The following SORCS3 variants were observed in gnomAD, a reference collection of about 807,000 sequenced individuals.
The protein encoded by SORCS3 is VPS10 domain-containing receptor SorCS3.
In SORCS3, 57 loss-of-function variants were observed where a neutral mutation model predicts 146.3. The observed-to-expected ratio is 0.39, with a 90% CI of 0.31 to 0.49. The LOEUF is 0.49. SORCS3 is among the 20% of genes least tolerant of loss of function. The pLI is 0.92. For missense variants in SORCS3, 1,341 were observed against 1,575.5 expected (o/e 0.85, Z 2.52); for synonymous variants, 653 against 618.5 (o/e 1.06, Z -0.83).
intron 2 of SORCS3, among the ~76,000 whole-genome samples, chr10:104,896,403 C>G (rs2018798281): frequency 1.3e-5 from 2 of 152,234 alleles, no homozygotes; most frequent in Non-Finnish European, 2.9e-5. Context: ...ATGCTAGCCA[C>G]CAAGGACAAA....
intron 1 of SORCS3, among the ~76,000 whole-genome samples, chr10:104,766,862 T>C (rs1172671335): frequency 6.6e-6 from 1 of 152,212 alleles, no homozygotes; most frequent in Non-Finnish European, 1.5e-5. Context: ...CCTTTCTGTT[T>C]CCACCCAAAG....
intron 4 of SORCS3, among the ~76,000 whole-genome samples, chr10:105,020,309 A>T (rs770762125): frequency 2.6e-5 from 4 of 152,198 alleles, no homozygotes; most frequent in Admixed American, 6.5e-5. Context: ...CACATAGAAT[A>T]CTTTCTTCCA....
chr10:104,879,257 T>G (rs925356553), intron 2 of SORCS3, among the ~76,000 whole-genome samples: 1 of 152,186 alleles, frequency 6.6e-6, no homozygotes, highest in Non-Finnish European at 1.5e-5. Flanking sequence ...TGTTCCTTTC[T>G]GGAGAATCTA....
At chr10:104,974,569 T>A (rs1287644382) in intron 3 of SORCS3, among the ~76,000 whole-genome samples, 1 of 152,202 alleles carries the variant, frequency 6.6e-6, no homozygotes, top group South Asian at 2.1e-4. Flanking sequence ...TCCATCCTTT[T>A]ATTTTGAGCC....
chr10:105,045,035 A>AG (rs2055361028), intron 5 of SORCS3, among the ~76,000 whole-genome samples: 2 of 150,306 alleles, frequency 1.3e-5, no homozygotes, highest in South Asian at 2.1e-4. Flanking sequence ...AAAAAAAAAA[A>AG]AAAAAAGAAA....
At chr10:104,771,874 C>T (rs142490840) in intron 1 of SORCS3, among the ~76,000 whole-genome samples, 89 of 151,948 alleles carry the variant, frequency 5.9e-4, no homozygotes, top group African/African-American at 2.1e-3. Context: ...AGGAGGTTCT[C>T]CTCTTCTCCT....
chr10:104,794,092 G>C (rs928212344), intron 1 of SORCS3, among the ~76,000 whole-genome samples: 2 of 152,192 alleles, frequency 1.3e-5, no homozygotes, highest in African/African-American at 4.8e-5. Flanking sequence ...GTCGCAGGCG[G>C]CTGCTGTTGT....
chr10:105,044,218 A>G (rs1485396094), intron 5 of SORCS3, among the ~76,000 whole-genome samples: 1 of 152,136 alleles, frequency 6.6e-6, no homozygotes, highest in African/African-American at 2.4e-5. Flanking sequence ...ATAAATAAAA[A>G]ATGAGCTGGC....
intron 4 of SORCS3, among the ~76,000 whole-genome samples, chr10:105,041,850 C>G (rs1414082218): frequency 6.6e-6 from 1 of 152,104 alleles, no homozygotes; most frequent in African/African-American, 2.4e-5. Flanking sequence ...GATAGCCACT[C>G]TGGCTTCCTC....
intron 1 of SORCS3, among the ~76,000 whole-genome samples, chr10:104,722,936 T>G (rs150683772): frequency 0.014 from 2,099 of 152,276 alleles, 39 homozygotes; most frequent in African/African-American, 0.041. Context: ...CCAGCTCCTG[T>G]ATTCATTAAT....
At chr10:104,924,654 G>T (rs1359295846) in intron 3 of SORCS3, among the ~76,000 whole-genome samples, 2 of 152,184 alleles carry the variant, frequency 1.3e-5, no homozygotes, top group South Asian at 4.1e-4. Context: ...TCTGGGAAAA[G>T]AATCAGGATT....
Position 104,751,968 on chromosome 10 carries a change from T to TAA in SORCS3, c.628-90823_628-90822dup, listed in dbSNP as rs1554848922. ...ATATATATATATATATATATATATA[T>TAA]AATAGTTTAGCAGCAGGAATGAGGT... On this transcript the variant is annotated intron_variant, in intron 1 of 26. Coordinates refer to ENST00000369701, the MANE Select transcript of SORCS3 (RefSeq NM_014978.3). Among the ~76,000 whole-genome samples the TAA allele has an allele frequency of 5.5e-4, 71 of 128,424 alleles. 2 individuals carry two copies. The highest frequency in any genetic ancestry group is 4.1e-3 in the South Asian group (16 of 3,860). 84.3% of individuals were successfully genotyped at this position (128,424 alleles called of 152,430 possible). A position where few individuals can be genotyped will look rare whatever the true frequency, so the allele number is the denominator to read the frequency against.
chr10:104,732,339 G>A (rs2016715381), intron 1 of SORCS3, among the ~76,000 whole-genome samples: 1 of 152,176 alleles, frequency 6.6e-6, no homozygotes. Flanking sequence ...GAAGCATGAG[G>A]TCAGGGCCAT....
At chr10:105,122,214 G>T (rs2055938549) in intron 7 of SORCS3, among the ~76,000 whole-genome samples, 1 of 152,178 alleles carries the variant, frequency 6.6e-6, no homozygotes, top group Non-Finnish European at 1.5e-5. Flanking sequence ...GCTCTAATTA[G>T]AGTATATCTC....
chr10:105,142,989 G>A (rs891684635), intron 8 of SORCS3, among the ~76,000 whole-genome samples: 1 of 151,920 alleles, frequency 6.6e-6, no homozygotes, highest in East Asian at 1.9e-4. Flanking sequence ...GCTGTGTCAC[G>A]GCCACACTTC....
At chr10:105,010,720 C>CT (rs35535851) in intron 4 of SORCS3, among the ~76,000 whole-genome samples, 56,891 of 147,104 alleles carry the variant, frequency 0.39, 11,388 homozygotes, top group East Asian at 0.7. Context: ...AGCATAGTTT[C>CT]TTTTTTTTTT....
chr10:104,748,193 T>C (rs528510524), intron 1 of SORCS3, among the ~76,000 whole-genome samples: 74 of 152,344 alleles, frequency 4.9e-4, no homozygotes, highest in Admixed American at 2.4e-3. Flanking sequence ...TTTATAGATC[T>C]GGATGATATA....
chr10:105,132,420 T>C (rs1564762844), intron 7 of SORCS3, among the ~76,000 whole-genome samples: 1 of 152,186 alleles, frequency 6.6e-6, no homozygotes, highest in Admixed American at 6.6e-5. Flanking sequence ...CTTCTAAGAT[T>C]ACCTATGTCT....
At chr10:105,242,647 T>G (rs1321698969) in intron 20 of SORCS3, among the ~76,000 whole-genome samples, 2 of 94,632 alleles carry the variant, frequency 2.1e-5, no homozygotes, top group Non-Finnish European at 3.8e-5. Context: ...TTTATATATA[T>G]ATTTATATAC....
Sources: allele counts gnomAD v4.1 joint callset (sites outside exome capture counted in the v4.1 genomes callset), GRCh38; gene constraint gnomAD v4.1.1; transcripts MANE v1.5; gene names NCBI Gene and HGNC (gene_info 2026-07-23, HGNC 2026-07-21).